Variants in ERMP1 observed in about 807,000 individuals in gnomAD.
ERMP1 encodes endoplasmic reticulum metallopeptidase 1.
Under a neutral mutation model 92.0 loss-of-function variants are expected in ERMP1, and 86 were observed. That is an observed-to-expected ratio of 0.93 (90% confidence interval 0.79 to 1.12). The LOEUF (loss-of-function observed/expected upper bound fraction) is 1.12, where lower values mean the gene tolerates loss of function less well. ERMP1 is among the 50% of genes most tolerant of loss of function. ERMP1 has a pLI of 0.00. For synonymous variants in ERMP1, 530 were observed against 412.8 expected, an observed-to-expected ratio of 1.28 and a Z score of -3.44; for missense variants, 1,342 against 1,116.3, an observed-to-expected ratio of 1.20 and a Z score of -2.88.
intron 6 of ERMP1, among the ~76,000 whole-genome samples, chr9:5,844,233 C>A (rs1420624965): frequency 6.6e-6 from 1 of 152,190 alleles, no homozygotes; most frequent in Non-Finnish European, 1.5e-5. Flanking sequence ...GGCCAAGTAG[C>A]CACAGGCTGC....
intron 2 of ERMP1, among the ~76,000 whole-genome samples, chr9:5,827,594 G>A (rs1453902577): frequency 6.6e-6 from 1 of 152,192 alleles, no homozygotes; most frequent in Non-Finnish European, 1.5e-5. Context: ...AGGCGCAGTG[G>A]CTCACACCTG....
intron 5 of ERMP1, among the ~76,000 whole-genome samples, chr9:5,859,735 C>G (rs1039458074): frequency 1.3e-5 from 2 of 152,086 alleles, no homozygotes; most frequent in East Asian, 3.9e-4. Flanking sequence ...ATGTTAATTC[C>G]CTTACAAGTA....
At chr9:5,791,232 A>T in intron 13 of ERMP1, 1 of 456,882 alleles carries the variant, frequency 2.2e-6, no homozygotes, top group Non-Finnish European at 4.4e-6. Context: ...GAACTGGCTT[A>T]CATGATTGTT....
At chr9:5,865,425 G>A (rs948993576) in intron 5 of ERMP1, among the ~76,000 whole-genome samples, 13 of 151,158 alleles carry the variant, frequency 8.6e-5, no homozygotes, top group African/African-American at 1.9e-4. Flanking sequence ...GGAGAATGGC[G>A]TGAGCCCGGG....
intron 13 of ERMP1, among the ~76,000 whole-genome samples, chr9:5,793,703 G>C (rs1016375164): frequency 6.6e-6 from 1 of 152,034 alleles, no homozygotes; most frequent in African/African-American, 2.4e-5. Context: ...GCGATAAAGA[G>C]GGGCAATGCA....
upstream of ERMP1, among the ~76,000 whole-genome samples, chr9:5,836,443 C>T (rs1276018207): frequency 1.3e-5 from 2 of 152,138 alleles, no homozygotes; most frequent in African/African-American, 4.8e-5. Context: ...AAAAAAGAAG[C>T]AGTTGTCAAA....
In ERMP1 at chr9:5,805,075, C is replaced by G; in HGVS notation, c.1866G>C (p.Val622=). 1.2e-6 allele frequency: 2 copies of G among 1,613,494 alleles called. No individual in the cohort carries two copies. The highest frequency in any genetic ancestry group is 1.7e-6 in the Non-Finnish European group (2 of 1,179,890). ...RSGSEIPPDV[V]LASILAGCTM... is the part of the protein sequence containing the mutation. Reference sequence around the variant, plus strand: ...TACAGCCAGCCAAAATGGATGCCAGCACAACATCAGGTGGGATTTCAGAAC... The same window carrying G: ...TACAGCCAGCCAAAATGGATGCCAGGACAACATCAGGTGGGATTTCAGAAC... The change falls in exon 10 of 15, where the codon GTG becomes GTC. Residue 622 remains valine (V), a synonymous_variant. Coordinates refer to ENST00000339450, the MANE Select transcript of ERMP1 (RefSeq NM_024896.3).
At chr9:5,804,920 G>C in intron 10 of ERMP1, 107 bp downstream of exon 10, 1 of 834,038 alleles carries the variant, frequency 1.2e-6, no homozygotes, top group South Asian at 2.0e-5. Flanking sequence ...TTCTGCTTCA[G>C]ATTTTCTCAA....
At chr9:5,792,317 T>C (rs1330344322) in intron 13 of ERMP1, among the ~76,000 whole-genome samples, 3 of 152,096 alleles carry the variant, frequency 2.0e-5, no homozygotes, top group Non-Finnish European at 2.9e-5. Flanking sequence ...GGCAGCACCA[T>C]AAAGAATATC....
chr9:5,839,031 G>A (rs1034175830), intron 6 of ERMP1, among the ~76,000 whole-genome samples: 4 of 152,180 alleles, frequency 2.6e-5, no homozygotes, highest in African/African-American at 9.7e-5. Context: ...GCACTTGTCT[G>A]TAGATCACCA....
At chr9:5,793,725 G>T (rs1000481083) in intron 13 of ERMP1, among the ~76,000 whole-genome samples, 3 of 151,990 alleles carry the variant, frequency 2.0e-5, no homozygotes, top group Admixed American at 2.0e-4. Flanking sequence ...AATGATAAAG[G>T]GTCAGTTCTC....
chr9:5,788,416 TA>T (rs1342277976), intron 13 of ERMP1, among the ~76,000 whole-genome samples: 1 of 151,508 alleles, frequency 6.6e-6, no homozygotes, highest in Non-Finnish European at 1.5e-5. Context: ...CAGGGAAAAA[TA>T]AAAAAGAAGG....
intron 8 of ERMP1, among the ~76,000 whole-genome samples, chr9:5,808,697 A>G (rs570397467): frequency 6.6e-6 from 1 of 152,280 alleles, no homozygotes; most frequent in Admixed American, 6.5e-5. Flanking sequence ...TCTTCACTGT[A>G]ATTCATTTTT....
At chr9:5,824,415 T>C (rs1442566575) in intron 3 of ERMP1, among the ~76,000 whole-genome samples, 2 of 152,108 alleles carry the variant, frequency 1.3e-5, no homozygotes, top group African/African-American at 4.8e-5. Flanking sequence ...CTTTTTTTGT[T>C]TGCTCATTTT....
Position 5,786,985 on chromosome 9 carries a change from T to G in ERMP1, c.*159A>C. On this transcript the variant is annotated 3_prime_UTR_variant, in exon 15 of 15. Coordinates refer to ENST00000339450, the MANE Select transcript of ERMP1 (RefSeq NM_024896.3). ...GCATCACTGCGCCACAGCTAAACCC[T>G]TATAGTGCTTGGCCCTGAAAAGCGT... is the stretch of plus-strand genomic sequence containing the variant. 1 of 693,134 alleles carries G rather than the reference T, an allele frequency of 1.4e-6. No individual in the cohort carries two copies. The highest frequency in any genetic ancestry group is 3.0e-5 in the East Asian group (1 of 33,514). 42.9% of individuals were successfully genotyped at this position (693,134 alleles called of 1,614,324 possible). A position where few individuals can be genotyped will look rare whatever the true frequency, so the allele number is the denominator to read the frequency against.
intron 4 of ERMP1, among the ~76,000 whole-genome samples, chr9:5,817,693 TG>T: frequency 6.6e-6 from 1 of 152,206 alleles, no homozygotes; most frequent in East Asian, 1.9e-4. Context: ...GCAAAGAGTA[TG>T]GGCATGCGTA....
In ERMP1 at chr9:5,830,870, C is replaced by A. The variant is rs1207814867; in HGVS notation, c.497G>T (p.Gly166Val). 6.2e-7 allele frequency: 1 copy of A among 1,614,008 alleles called. No homozygotes were observed. The highest frequency in any genetic ancestry group is 8.5e-7 in the Non-Finnish European group (1 of 1,180,024). ...KISVDVQRPT[G>V]SFSIDFLGGF... ...TCCCAAGAAATCAATGCTAAAAGAG[C>A]CTGTGGGCCGTTGTACATCTACTGA... The change falls in exon 2 of 15, where the codon GGC becomes GTC. Residue 166 changes from glycine (G) to valine (V), a missense_variant. Gly to Val is a moderately radical substitution (Grantham distance 109). Transcript: ENST00000339450.
intron 10 of ERMP1, among the ~76,000 whole-genome samples, chr9:5,804,055 C>T (rs923172300): frequency 6.6e-6 from 1 of 152,090 alleles, no homozygotes; most frequent in African/African-American, 2.4e-5. Context: ...ACCTAACTTC[C>T]ACAAAGTAAA....
intron 13 of ERMP1, among the ~76,000 whole-genome samples, chr9:5,793,224 T>C (rs1828277210): frequency 6.6e-6 from 1 of 151,804 alleles, no homozygotes; most frequent in Non-Finnish European, 1.5e-5. Context: ...TGGGCTTGCA[T>C]AGCTGTAAAT....
Sources: allele counts gnomAD v4.1 joint callset (sites outside exome capture counted in the v4.1 genomes callset), GRCh38; gene constraint gnomAD v4.1.1; transcripts MANE v1.5; gene names NCBI Gene and HGNC (gene_info 2026-07-23, HGNC 2026-07-21).